Variants in GABRB2 observed in about 807,000 individuals in gnomAD.
GABRB2 encodes the protein gamma-aminobutyric acid type A receptor subunit beta2, also known as gamma-aminobutyric acid receptor subunit beta-2.
GABRB2 carries 16 observed loss-of-function variants against 54.7 expected under a neutral mutation model. That is an observed-to-expected ratio of 0.29 (90% CI 0.20 to 0.44). The LOEUF is 0.44. GABRB2 is among the 20% of genes least tolerant of loss of function. The pLI is 1.00. For synonymous variants in GABRB2, 244 were observed against 233.8 expected, an observed-to-expected ratio of 1.04 and a Z score of -0.40; for missense variants, 355 against 644.0, an observed-to-expected ratio of 0.55 and a Z score of 4.86.
At chr5:161,345,889 A>G (rs1315621610) in intron 5 of GABRB2, among the ~76,000 whole-genome samples, 1 of 152,050 alleles carries the variant, frequency 6.6e-6, no homozygotes. Flanking sequence ...TGGCATTCAC[A>G]CAAGTTTTTC....
chr5:161,483,448 G>A (rs1758824915), intron 3 of GABRB2, among the ~76,000 whole-genome samples: 1 of 151,888 alleles, frequency 6.6e-6, no homozygotes, highest in Non-Finnish European at 1.5e-5. Context: ...AGGGGCAAGG[G>A]GGTGGTAGGG....
Position 161,518,870 on chromosome 5 carries a change from A to G in GABRB2, c.237+26357T>C, listed in dbSNP as rs571244573. ...ACTCTTTGTATCATACCTACAAATT[A>G]TTGAGTTATGCTTAGATATTAAATT... is the stretch of plus-strand genomic sequence containing the variant. On this transcript the variant is annotated intron_variant, in intron 3 of 9. Transcript: ENST00000393959. 1.1e-4 allele frequency among the ~76,000 whole-genome samples: 16 copies of G among 152,342 alleles called. No homozygotes were observed. The South Asian group carries it at 3.1e-3, about 30-fold the overall frequency.
At chr5:161,300,661 C>T (rs1162111136) in intron 9 of GABRB2, among the ~76,000 whole-genome samples, 1 of 152,152 alleles carries the variant, frequency 6.6e-6, no homozygotes, top group Non-Finnish European at 1.5e-5. Flanking sequence ...ACTCTGGAGG[C>T]CTTGTTAAAA....
At chr5:161,424,009 T>C (rs1756926504) in intron 4 of GABRB2, among the ~76,000 whole-genome samples, 1 of 152,100 alleles carries the variant, frequency 6.6e-6, no homozygotes. Context: ...TGAAGCCTAA[T>C]CCAGAGAAAA....
intron 4 of GABRB2, 161 bp downstream of exon 4, chr5:161,459,463 C>A: frequency 1.6e-6 from 1 of 643,550 alleles, no homozygotes; most frequent in Non-Finnish European, 2.8e-6. Flanking sequence ...CCTTTGTAAG[C>A]ATGCTACCTT....
intron 4 of GABRB2, among the ~76,000 whole-genome samples, chr5:161,416,114 AT>A (rs1208006931): frequency 1.3e-5 from 2 of 151,930 alleles, no homozygotes; most frequent in Admixed American, 6.6e-5. Context: ...AACTTTTTAA[AT>A]TTTTTGTAGA....
chr5:161,487,355 GA>G (rs1758958735), intron 3 of GABRB2, among the ~76,000 whole-genome samples: 1 of 151,860 alleles, frequency 6.6e-6, no homozygotes, highest in Non-Finnish European at 1.5e-5. Flanking sequence ...CAGGTAATAA[GA>G]GAGATTTGAG....
At chr5:161,300,727 A>G (rs1757511760) in intron 9 of GABRB2, among the ~76,000 whole-genome samples, 1 of 152,190 alleles carries the variant, frequency 6.6e-6, no homozygotes. Flanking sequence ...AATGAATCTC[A>G]GTAATCTGCA....
intron 4 of GABRB2, among the ~76,000 whole-genome samples, chr5:161,447,028 C>A (rs191437660): frequency 2.5e-4 from 38 of 152,214 alleles, no homozygotes; most frequent in African/African-American, 8.7e-4. Context: ...AAGGTCAAGG[C>A]TGGTACCAGC....
intron 2 of GABRB2, 58 bp downstream of exon 2, chr5:161,546,264 A>G (rs1233433427): frequency 7.1e-7 from 1 of 1,408,720 alleles, no homozygotes; most frequent in Non-Finnish European, 1.0e-6. Context: ...GAGCGCGCAC[A>G]AAGCTCAAAA....
intron 9 of GABRB2, among the ~76,000 whole-genome samples, chr5:161,320,273 A>C (rs1758171828): frequency 1.3e-5 from 2 of 151,860 alleles, no homozygotes; most frequent in African/African-American, 4.8e-5. Context: ...CTCACTGTTA[A>C]CTAATTTAAC....
chr5:161,387,965 C>A (rs1755698370), intron 5 of GABRB2, among the ~76,000 whole-genome samples: 1 of 151,924 alleles, frequency 6.6e-6, no homozygotes, highest in African/African-American at 2.4e-5. Flanking sequence ...AAGCCAACAG[C>A]AAGTTTTGAA....
chr5:161,493,817 T>C (rs1221858920), intron 3 of GABRB2, among the ~76,000 whole-genome samples: 1 of 151,748 alleles, frequency 6.6e-6, no homozygotes, highest in Admixed American at 6.6e-5. Flanking sequence ...ACTATCTTTT[T>C]AGAATCTAAG....
intron 5 of GABRB2, among the ~76,000 whole-genome samples, chr5:161,378,196 C>T (rs189261643): frequency 6.6e-6 from 1 of 152,122 alleles, no homozygotes; most frequent in South Asian, 2.1e-4. Context: ...AAATCTGTTT[C>T]ATTATCTGTA....
intron 9 of GABRB2, among the ~76,000 whole-genome samples, chr5:161,299,982 A>G (rs1397217692): frequency 6.6e-6 from 1 of 152,188 alleles, no homozygotes; most frequent in African/African-American, 2.4e-5. Context: ...GCTAGGACCT[A>G]AAGAACATAG....
intron 3 of GABRB2, among the ~76,000 whole-genome samples, chr5:161,505,464 A>C (rs1759578427): frequency 6.6e-6 from 1 of 152,064 alleles, no homozygotes; most frequent in Non-Finnish European, 1.5e-5. Context: ...AAACCCTAAT[A>C]CTGAAACCAG....
At position 161,332,735 on chromosome 5, in the gene GABRB2, T is replaced by C. The variant is rs73797571; in HGVS notation, c.833-1608A>G. Among the ~76,000 whole-genome samples, 526 of 152,318 alleles carry C rather than the reference T, an allele frequency of 3.5e-3. 3 individuals are homozygous for C. The highest frequency in any genetic ancestry group is 0.012 in the African/African-American group (506 of 41,580). ...CCAATAACGCATCCTGAAGGTTAAA[T>C]TTCATTCCTATGATTTTGGGGGGAC... On this transcript the variant is annotated intron_variant, in intron 7 of 9. Transcript: ENST00000393959.
chr5:161,360,273 A>G (rs1219987385), intron 5 of GABRB2, among the ~76,000 whole-genome samples: 1 of 152,226 alleles, frequency 6.6e-6, no homozygotes, highest in East Asian at 1.9e-4. Context: ...GGATAGGAAG[A>G]GTACAGGATG....
intron 2 of GABRB2, among the ~76,000 whole-genome samples, chr5:161,545,634 C>A (rs188425369): frequency 3.3e-5 from 5 of 150,444 alleles, no homozygotes; most frequent in Non-Finnish European, 7.4e-5. Flanking sequence ...GCGCTGAAAC[C>A]CCCTCCTCCT....
Sources: gnomAD v4.1 joint callset for allele counts (sites outside exome capture counted in the v4.1 genomes callset) on GRCh38, gnomAD v4.1.1 for gene constraint, MANE v1.5 for transcripts, NCBI Gene and HGNC (gene_info 2026-07-23, HGNC 2026-07-21) for gene names.